The following CYP2W1 variants were observed in gnomAD, a reference collection of about 807,000 sequenced individuals.
The protein encoded by CYP2W1 is cytochrome P450 family 2 subfamily W member 1, also known as cytochrome P450 2W1.
A neutral mutation model predicts 44.9 loss-of-function variants in CYP2W1; 51 were observed. The ratio of observed to expected loss-of-function variants is 1.14; its 90% confidence interval spans 0.91 to 1.43. The LOEUF is 1.43. CYP2W1 is among the 40% of genes most tolerant of loss of function. The pLI, the probability that CYP2W1 is intolerant of heterozygous loss-of-function variation, is 0.00. For synonymous variants in CYP2W1, 383 were observed against 338.3 expected (o/e 1.13, Z -1.45); for missense variants, 746 against 700.0 (o/e 1.07, Z -0.74).
chr7:987,327 C>G lies in CYP2W1; in HGVS notation c.959-20C>G. On this transcript the variant is annotated intron_variant, in intron 6 of 8. Transcript: ENST00000308919. Reference sequence around the variant, plus strand: ...ACGAGGGATGGCGCTGCCACCCAAGCGGCCCACCCTTTGCCCCAGGCCGGG... The same window carrying G: ...ACGAGGGATGGCGCTGCCACCCAAGGGGCCCACCCTTTGCCCCAGGCCGGG... The G allele has an allele frequency of 6.4e-7, 1 of 1,552,916 alleles. No individual in the cohort carries two copies. Among genetic ancestry groups the G allele is most frequent in the Non-Finnish European group, 8.7e-7 (1 of 1,150,084 alleles).
In CYP2W1 at chr7:987,852, G is replaced by T. The variant is rs557166699; in HGVS notation, c.1143+321G>T. Among the ~76,000 whole-genome samples, 375 of 151,698 alleles carry T rather than the reference G, an allele frequency of 2.5e-3. 2 individuals are homozygous for T. Among genetic ancestry groups the T allele is most frequent in the African/African-American group, 8.7e-3 (361 of 41,296 alleles). On this transcript the variant is annotated intron_variant, in intron 7 of 8. Coordinates refer to ENST00000308919, the MANE Select transcript of CYP2W1 (RefSeq NM_017781.3). ...GGGGGTCCCCTCTGTATCCTGGGGG[G>T]GTCCCCTCTGTGTGTCCTGGGGATC...
Position 985,454 on chromosome 7 carries a change from G to C in CYP2W1, c.645+131G>C, listed in dbSNP as rs1208514156. The C allele has an allele frequency of 3.8e-6, 4 of 1,059,816 alleles. 1 individual carries two copies. The East Asian group carries it at 1.0e-4, about 28-fold the overall frequency. The allele number at this position is 1,059,816 out of a possible 1,614,324, so 65.7% of individuals were successfully genotyped here. On this transcript the variant is annotated intron_variant, in intron 4 of 8. Coordinates refer to ENST00000308919, the MANE Select transcript of CYP2W1 (RefSeq NM_017781.3). ...TCCCACCTTGCAAAAGGAATCAGAT[G>C]CAAGGGCCTGAATCAGGACCCATCC...
At chr7:983,594 A>C (rs1385298325) in intron 1 of CYP2W1, among the ~76,000 whole-genome samples, 3 of 152,116 alleles carry the variant, frequency 2.0e-5, no homozygotes, top group African/African-American at 4.8e-5. Flanking sequence ...GAGTACGAAG[A>C]AGCCCTGGAG....
rs762405080 is a variant in CYP2W1, at chr7:985,221, G to A, written c.543G>A (p.Ala181=). Residue 181 remains alanine (A), a synonymous_variant, in exon 4 of 9, where the codon GCG becomes GCA. Transcript: ENST00000308919. ...GGGCTCCCTCCAATATCACCTTCGC[G>A]CTCCTCTTCGGCCGCCGATTTGACT... ...LGWAPSNITF[A]LLFGRRFDYR... 2.9e-5 allele frequency: 45 copies of A among 1,555,022 alleles called. No individual in the cohort carries two copies. Among genetic ancestry groups the A allele is most frequent in the Non-Finnish European group, 3.9e-5 (45 of 1,149,542 alleles).
Position 988,337 on chromosome 7 carries a change from C to A in CYP2W1, c.1204C>A (p.Pro402Thr). 1.2e-6 allele frequency: 2 copies of A among 1,612,590 alleles called. No individual in the cohort carries two copies. Among genetic ancestry groups the A allele is most frequent in the Non-Finnish European group, 1.7e-6 (2 of 1,179,750 alleles). The change falls in exon 8 of 9, where the codon CCA (proline) becomes ACA (threonine). Residue 402 changes from proline (P) to threonine (T), a missense_variant. Transcript: ENST00000308919. Reference sequence around the variant, plus strand: ...CCTGGATGAGACACAGTGGCAGACCCCAGGCCAGTTCAACCCCGGCCATTT... The same window carrying A: ...CCTGGATGAGACACAGTGGCAGACCACAGGCCAGTTCAACCCCGGCCATTT... ...VLLDETQWQT[P>T]GQFNPGHFLD...
In CYP2W1 at chr7:984,566, G is replaced by A. The variant is rs377382764; in HGVS notation, c.329G>A (p.Arg110Gln). 2.2e-5 allele frequency: 34 copies of A among 1,561,594 alleles called. No individual in the cohort carries two copies. Among genetic ancestry groups the A allele is most frequent in the African/African-American group, 8.1e-5 (6 of 73,898 alleles). ...ATCGCCATCTTCCAGCTCATCCAGC[G>A]AGGTGGAGGTCGGTGTGTGGCCGGC... ...PPIAIFQLIQ[R>Q]GGGIFFSSGA... The change falls in exon 2 of 9, where the codon CGA becomes CAA. Residue 110 changes from arginine to glutamine, a missense_variant. Coordinates refer to ENST00000308919, the MANE Select transcript of CYP2W1 (RefSeq NM_017781.3).
rs776155897 is a variant in CYP2W1 at position 988,712 on chromosome 7, C to G, written c.1363C>G (p.Arg455Gly). The stretch of plus-strand genomic sequence containing the variant: ...GTTTGCCGGCCTCCTGCAGAGGTAC[C>G]GCCTGCTGCCCCCGCCTGGCGTCAG... ...LLFAGLLQRYRLLPPPGVSPA... is the reference protein window; with the variant it reads ...LLFAGLLQRYGLLPPPGVSPA... The change falls in exon 9 of 9, where the codon CGC becomes GGC. Residue 455 changes from arginine (R) to glycine (G), a missense_variant. Transcript: ENST00000308919. The G allele has an allele frequency of 1.3e-6, 2 of 1,599,610 alleles. No homozygotes were observed. The highest frequency in any genetic ancestry group is 1.3e-5 in the African/African-American group (1 of 74,852).
rs1848585526 is a variant in CYP2W1 at position 988,645 on chromosome 7, C to G, written c.1296C>G (p.Val432=). 6.2e-7 allele frequency: 1 copy of G among 1,602,416 alleles called. No homozygotes were observed. The highest frequency in any genetic ancestry group is 1.1e-5 in the South Asian group (1 of 91,038). ...GGACATCCCCCGCAGGCCGCCGCGT[C>G]TGTGTTGGGGAGCGCCTGGCCAGGA... ...AFLPFSAGRR[V]CVGERLARTE... The change falls in exon 9 of 9, where the codon GTC becomes GTG. Residue 432 remains valine (V), a synonymous_variant. Transcript: ENST00000308919.
Position 983,184 on chromosome 7 carries a change from G to T in CYP2W1, c.-28G>T. On this transcript the variant is annotated 5_prime_UTR_variant, in exon 1 of 9. Coordinates refer to ENST00000308919, the MANE Select transcript of CYP2W1 (RefSeq NM_017781.3). Reference sequence around the variant, plus strand: ...TGCGGGGGGGACGGGGCCCAGGAGGGGAGTGGAGCCTCACCAGCCACGTCC... The same window carrying T: ...TGCGGGGGGGACGGGGCCCAGGAGGTGAGTGGAGCCTCACCAGCCACGTCC... The T allele has an allele frequency of 1.7e-5, 25 of 1,459,330 alleles. No individual in the cohort carries two copies. Among genetic ancestry groups the T allele is most frequent in the Non-Finnish European group, 2.2e-5 (24 of 1,096,822 alleles). 90.4% of individuals were successfully genotyped at this position (1,459,330 alleles called of 1,614,324 possible).
Position 983,215 on chromosome 7 carries a change from G to T in CYP2W1, c.4G>T (p.Ala2Ser), listed in dbSNP as rs1848051821. 6.6e-7 allele frequency: 1 copy of T among 1,509,410 alleles called. No individual in the cohort carries two copies. The highest frequency in any genetic ancestry group is 1.4e-5 in the African/African-American group (1 of 71,736). The allele number at this position is 1,509,410 out of a possible 1,614,324, so 93.5% of individuals were successfully genotyped here. Reference sequence around the variant, plus strand: ...GAGCCTCACCAGCCACGTCCTCATGGCCCTGCTGCTCTTGCTGTTCCTGGG... The same window carrying T: ...GAGCCTCACCAGCCACGTCCTCATGTCCCTGCTGCTCTTGCTGTTCCTGGG... The part of the protein sequence containing the change: M[A>S]LLLLLFLGLL... The change falls in exon 1 of 9, where the codon GCC (alanine) becomes TCC (serine). Residue 2 changes from alanine to serine, a missense_variant. Ala to Ser is a moderately conservative substitution (Grantham distance 99). Transcript: ENST00000308919.
intron 4 of CYP2W1, 42 bp downstream of exon 4, chr7:985,365 G>A: frequency 6.5e-7 from 1 of 1,535,696 alleles, no homozygotes. Context: ...GTGGAGCCTG[G>A]AGTGATGGGC....
intron 7 of CYP2W1, among the ~76,000 whole-genome samples, chr7:987,933 TGG>T (rs11438426): frequency 1.1e-4 from 15 of 135,760 alleles, no homozygotes; most frequent in African/African-American, 4.5e-4. Flanking sequence ...CTGTGTGTCC[TGG>T]GGGGGTCCCC....
Position 984,592 on chromosome 7 carries a change from G to C in CYP2W1, c.337+18G>C. On this transcript the variant is annotated intron_variant, in intron 2 of 8. Coordinates refer to ENST00000308919, the MANE Select transcript of CYP2W1 (RefSeq NM_017781.3). ...AGGTGGAGGTCGGTGTGTGGCCGGC[G>C]CTACGGGGCCTACTGGGTGTGGGGG... 6.4e-7 allele frequency: 1 copy of C among 1,554,838 alleles called. No homozygotes were observed. Among genetic ancestry groups the C allele is most frequent in the Non-Finnish European group, 8.7e-7 (1 of 1,155,066 alleles).
At chr7:986,144 T>A (rs939557252) in intron 4 of CYP2W1, among the ~76,000 whole-genome samples, 16 of 152,134 alleles carry the variant, frequency 1.1e-4, no homozygotes, top group Non-Finnish European at 2.2e-4. Flanking sequence ...AACTCACTAC[T>A]GGCGATCGCG....
rs1448552165 is a variant in CYP2W1, at chr7:989,360, C to G, written c.*538C>G. The stretch of plus-strand genomic sequence containing the variant: ...TCTGAGCCAAGCCACTGGGGCCATG[C>G]GTATGACTGGTGCAGGGAGGCAAGG... On this transcript the variant is annotated 3_prime_UTR_variant, in exon 9 of 9. Coordinates refer to ENST00000308919, the MANE Select transcript of CYP2W1 (RefSeq NM_017781.3). 2 of 157,300 alleles carry G rather than the reference C, an allele frequency of 1.3e-5. No individual in the cohort carries two copies. The highest frequency in any genetic ancestry group is 2.8e-5 in the Non-Finnish European group (2 of 71,292). 9.7% of individuals were successfully genotyped at this position (157,300 alleles called of 1,614,324 possible).
In CYP2W1 at chr7:987,391, A is replaced by G. The variant is rs1230868698; in HGVS notation, c.1003A>G (p.Thr335Ala). The change falls in exon 7 of 9, where the codon ACT (threonine) becomes GCT (alanine). Residue 335 changes from threonine (T) to alanine (A), a missense_variant. Transcript: ENST00000308919. ...AGACCGCGTGCTGGGCCCTGGGCGG[A>G]CTCCCCGGCTGGAGGACCAGCAGGC... ...ELDRVLGPGR[T>A]PRLEDQQALP... 6.3e-7 allele frequency: 1 copy of G among 1,594,714 alleles called. No individual in the cohort carries two copies. The highest frequency in any genetic ancestry group is 1.1e-5 in the South Asian group (1 of 90,160).
At chr7:985,424 G>A (rs549155270) in intron 4 of CYP2W1, 101 bp downstream of exon 4, 58 of 1,312,868 alleles carry the variant, frequency 4.4e-5, no homozygotes, top group East Asian at 3.0e-4. Context: ...TCAGCTTCTC[G>A]GCCCTCCCAC....
rs1385446559 is a variant in CYP2W1 at position 983,386 on chromosome 7, G to T, written c.174+1G>T. 1.7e-5 allele frequency: 25 copies of T among 1,503,586 alleles called. No individual in the cohort carries two copies. The highest frequency in any genetic ancestry group is 8.9e-7 in the Non-Finnish European group (1 of 1,123,226). The allele number at this position is 1,503,586 out of a possible 1,614,324, so 93.1% of individuals were successfully genotyped here. On this transcript the variant is annotated splice_donor_variant, in intron 1 of 8. Transcript: ENST00000308919. LOFTEE classifies it high-confidence loss of function. ...GCAACAGGACCGGTCCCTGATGGAGGTAAGTCAGGGAGCCCGGGCAGCTCT... is the reference window on the plus strand; with the variant it reads ...GCAACAGGACCGGTCCCTGATGGAGTTAAGTCAGGGAGCCCGGGCAGCTCT...
At position 987,141 on chromosome 7, in the gene CYP2W1, A is replaced by G. The variant is rs1848417331; in HGVS notation, c.854A>G (p.Asn285Ser). ...CCCGAGGGCCTGTTTGCTGAGGCCAACGCGGTGGCCTGCACCCTGGACATG... is the reference window on the plus strand; with the variant it reads ...CCCGAGGGCCTGTTTGCTGAGGCCAGCGCGGTGGCCTGCACCCTGGACATG... ...DDPEGLFAEA[N>S]AVACTLDMVM... Residue 285 changes from asparagine (N) to serine (S), a missense_variant, in exon 6 of 9, where the codon AAC becomes AGC. Transcript: ENST00000308919. 1 of 1,573,722 alleles carries G rather than the reference A, an allele frequency of 6.4e-7. No individual in the cohort carries two copies.
Sources: gnomAD v4.1 joint callset for allele counts (sites outside exome capture counted in the v4.1 genomes callset) on GRCh38, gnomAD v4.1.1 for gene constraint, MANE v1.5 for transcripts, NCBI Gene and HGNC (gene_info 2026-07-23, HGNC 2026-07-21) for gene names.